Variants in PLPP3 observed in about 807,000 individuals in gnomAD.
PLPP3 encodes the protein PAP2 beta.
A neutral mutation model predicts 29.6 loss-of-function variants in PLPP3; 6 were observed. The observed-to-expected ratio is 0.20, with a 90% confidence interval of 0.11 to 0.40. The LOEUF (loss-of-function observed/expected upper bound fraction) is 0.40. Among genes scored for constraint, PLPP3 ranks in the 10% least tolerant of loss-of-function variants. The pLI, the probability that PLPP3 is intolerant of heterozygous loss-of-function variation, is 1.00. For missense variants in PLPP3, 308 were observed against 407.7 expected (o/e 0.76, Z 2.11); for synonymous variants, 152 against 159.7 (o/e 0.95, Z 0.36).
intron 2 of PLPP3, among the ~76,000 whole-genome samples, chr1:56,526,381 G>A (rs1427252297): frequency 1.3e-5 from 2 of 152,086 alleles, no homozygotes; most frequent in Non-Finnish European, 2.9e-5. Context: ...AAGAAACTTA[G>A]GTCCAAATTA....
chr1:56,516,762 A>AT (rs1434384657), intron 4 of PLPP3: 1 of 145,152 alleles, frequency 6.9e-6, no homozygotes, highest in African/African-American at 2.6e-5. Context: ...TTGTATTAAG[A>AT]TTTCGCTTTC....
chr1:56,529,946 C>T (rs1315370004), intron 2 of PLPP3, among the ~76,000 whole-genome samples: 1 of 152,036 alleles, frequency 6.6e-6, no homozygotes, highest in Non-Finnish European at 1.5e-5. Context: ...CTGCCCTGTG[C>T]CCACAAGTCT....
intron 5 of PLPP3, among the ~76,000 whole-genome samples, chr1:56,498,359 A>T (rs1252833607): frequency 6.6e-6 from 1 of 152,198 alleles, no homozygotes; most frequent in East Asian, 1.9e-4. Flanking sequence ...AACTGTTTTC[A>T]AGTGTCCCCA....
chr1:56,560,947 C>T (rs1646121814), intron 1 of PLPP3, among the ~76,000 whole-genome samples: 1 of 150,098 alleles, frequency 6.7e-6, no homozygotes, highest in African/African-American at 2.5e-5. Flanking sequence ...ACACCATTCT[C>T]CTGCCTCAGC....
intron 1 of PLPP3, among the ~76,000 whole-genome samples, chr1:56,547,202 C>G (rs146334707): frequency 1.3e-5 from 2 of 152,194 alleles, no homozygotes; most frequent in Non-Finnish European, 2.9e-5. Context: ...ATCTCCTGCA[C>G]TAGCTAAGAT....
chr1:56,525,753 T>C (rs1645848473), intron 2 of PLPP3, among the ~76,000 whole-genome samples: 1 of 152,130 alleles, frequency 6.6e-6, no homozygotes, highest in Admixed American at 6.5e-5. Context: ...GATGATGAGT[T>C]ACACTTGCCC....
chr1:56,564,101 G>A lies in PLPP3; in HGVS notation c.139+14777C>T, dbSNP rs566077258. On this transcript the variant is annotated intron_variant, in intron 1 of 5. Transcript: ENST00000371250. ...TCAAATTGCAATCTTAATTCTTGGA[G>A]GAAAGAGCATAGGTGTTGGTTGGGT... Among the ~76,000 whole-genome samples the A allele has an allele frequency of 2.0e-5, 3 of 152,292 alleles. No individual in the cohort carries two copies. The East Asian group carries it at 5.8e-4, about 29-fold the overall frequency.
At chr1:56,529,690 A>G (rs1645874538) in intron 2 of PLPP3, among the ~76,000 whole-genome samples, 1 of 152,176 alleles carries the variant, frequency 6.6e-6, no homozygotes, top group South Asian at 2.1e-4. Context: ...CGTCTTTAGT[A>G]ACTAGAAATA....
chr1:56,578,703 G>A (rs1369912060), intron 1 of PLPP3, among the ~76,000 whole-genome samples, 175 bp downstream of exon 1: 1 of 152,114 alleles, frequency 6.6e-6, no homozygotes, highest in Non-Finnish European at 1.5e-5. Context: ...CGGTGGGATC[G>A]GGGAGGGCGG....
chr1:56,523,751 T>C lies in PLPP3; in HGVS notation c.633+72A>G, dbSNP rs1279003280. The C allele has an allele frequency of 3.3e-6, 5 of 1,500,834 alleles. No individual in the cohort carries two copies. In the Admixed American group the frequency reaches 6.8e-5, roughly 20 times the overall value. 93.0% of individuals were successfully genotyped at this position (1,500,834 alleles called of 1,614,324 possible). A position where few individuals can be genotyped will look rare whatever the true frequency, so the allele number is the denominator to read the frequency against. On this transcript the variant is annotated intron_variant, in intron 4 of 5. Transcript: ENST00000371250. Reference sequence around the variant, plus strand: ...AGTGATGGCATGCCCCTAAACTATTTTGAGGGCTATCATATCAGAAGGGAT... The same window carrying C: ...AGTGATGGCATGCCCCTAAACTATTCTGAGGGCTATCATATCAGAAGGGAT...
chr1:56,572,043 G>GTTTTTTTTTTTT (rs375576842), intron 1 of PLPP3, among the ~76,000 whole-genome samples: 7 of 85,064 alleles, frequency 8.2e-5, no homozygotes, highest in Admixed American at 1.8e-4. Flanking sequence ...ATCATTTCTG[G>GTTTTTTTTTTTT]TTTTTTTTTT....
intron 4 of PLPP3, among the ~76,000 whole-genome samples, chr1:56,520,520 C>T (rs1335195811): frequency 1.3e-5 from 2 of 152,110 alleles, no homozygotes; most frequent in African/African-American, 4.8e-5. Flanking sequence ...GCAGAGTTTC[C>T]CACCTCCTCT....
chr1:56,557,863 CG>C (rs1646095866), intron 1 of PLPP3, among the ~76,000 whole-genome samples: 2 of 152,162 alleles, frequency 1.3e-5, no homozygotes, highest in South Asian at 4.1e-4. Context: ...TGCAAGTCCC[CG>C]GGGCGCTTTT....
chr1:56,578,776 A>ACGGCGCGGCG (rs558546484), intron 1 of PLPP3, 102 bp downstream of exon 1: 49 of 1,218,316 alleles, frequency 4.0e-5, no homozygotes, highest in South Asian at 3.8e-4. Context: ...CCCGGAGCTG[A>ACGGCGCGGCG]CGGCGCGGCG....
chr1:56,512,955 C>A (rs183581728), intron 4 of PLPP3: 2 of 151,964 alleles, frequency 1.3e-5, no homozygotes, highest in Non-Finnish European at 2.9e-5. Flanking sequence ...GGTGTCAGCA[C>A]GGAAATTAAA....
At chr1:56,505,932 G>T (rs1036551506) in intron 5 of PLPP3, among the ~76,000 whole-genome samples, 9 of 152,106 alleles carry the variant, frequency 5.9e-5, no homozygotes, top group African/African-American at 2.2e-4. Flanking sequence ...ATCTATTGGC[G>T]GCCAAAGTTT....
chr1:56,499,134 C>T (rs937671612), intron 5 of PLPP3, among the ~76,000 whole-genome samples: 1 of 136,528 alleles, frequency 7.3e-6, no homozygotes, highest in African/African-American at 2.6e-5. Context: ...AATCTACTGG[C>T]TTATCTCCCA....
chr1:56,526,168 T>C (rs1308695928), intron 2 of PLPP3, among the ~76,000 whole-genome samples: 2 of 152,138 alleles, frequency 1.3e-5, no homozygotes, highest in Non-Finnish European at 2.9e-5. Context: ...AAAACTAGTA[T>C]GGGACCCTGC....
chr1:56,504,610 G>T (rs937428283), intron 5 of PLPP3, among the ~76,000 whole-genome samples: 5 of 152,096 alleles, frequency 3.3e-5, no homozygotes, highest in African/African-American at 1.2e-4. Flanking sequence ...AAGTTTTGTT[G>T]TTCTGCATTT....
Sources: gnomAD v4.1 joint callset for allele counts (sites outside exome capture counted in the v4.1 genomes callset) on GRCh38, gnomAD v4.1.1 for gene constraint, MANE v1.5 for transcripts, NCBI Gene and HGNC (gene_info 2026-07-23, HGNC 2026-07-21) for gene names.